Variants in KCNIP4 observed in about 807,000 individuals in gnomAD.
KCNIP4 encodes the protein Kv channel-interacting protein 4.
Under a neutral mutation model 34.0 loss-of-function variants are expected in KCNIP4, and 12 were observed. That is an observed-to-expected ratio of 0.35 (90% CI 0.23 to 0.57). The LOEUF (loss-of-function observed/expected upper bound fraction) is 0.57. Among genes scored for constraint, KCNIP4 ranks in the 20% least tolerant of loss-of-function variants. KCNIP4 has a pLI of 0.83. For synonymous variants in KCNIP4, 124 were observed against 102.2 expected, an observed-to-expected ratio of 1.21 and a Z score of -1.29; for missense variants, 238 against 311.7, an observed-to-expected ratio of 0.76 and a Z score of 1.78.
At chr4:21,268,021 A>T (rs1385528225) in intron 1 of KCNIP4, among the ~76,000 whole-genome samples, 1 of 152,160 alleles carries the variant, frequency 6.6e-6, no homozygotes, top group African/African-American at 2.4e-5. Flanking sequence ...TTGCCACAAT[A>T]TCAGATCCTG....
chr4:20,943,603 G>A (rs1003270480), intron 1 of KCNIP4, among the ~76,000 whole-genome samples: 2 of 152,044 alleles, frequency 1.3e-5, no homozygotes, highest in Admixed American at 6.6e-5. Flanking sequence ...CCATTTTATG[G>A]AGGAGGAAAC....
intron 1 of KCNIP4, among the ~76,000 whole-genome samples, chr4:21,451,165 T>TG: frequency 6.6e-6 from 1 of 152,066 alleles, no homozygotes; most frequent in South Asian, 2.1e-4. Context: ...TAACAGCAAG[T>TG]GGTTTTGTTA....
intron 1 of KCNIP4, among the ~76,000 whole-genome samples, chr4:21,228,184 C>T (rs1211082390): frequency 7.9e-5 from 12 of 152,218 alleles, no homozygotes; most frequent in Admixed American, 4.6e-4. Flanking sequence ...GGAGAAGGGG[C>T]CTAGTGGGAG....
intron 1 of KCNIP4, among the ~76,000 whole-genome samples, chr4:21,116,242 C>T (rs751549632): frequency 1.3e-5 from 2 of 152,174 alleles, no homozygotes; most frequent in African/African-American, 2.4e-5. Flanking sequence ...CTTAATTAGT[C>T]GCATCCTTGA....
At chr4:20,921,338 G>A (rs539391532) in intron 1 of KCNIP4, among the ~76,000 whole-genome samples, 2 of 152,290 alleles carry the variant, frequency 1.3e-5, no homozygotes, top group East Asian at 3.9e-4. Context: ...AATCAAAAGA[G>A]ATCCACCATG....
rs71191514 is a variant in KCNIP4 at position 21,504,475 on chromosome 4, A to AAAAGAAAG, written c.61+444088_61+444095dup. On this transcript the variant is annotated intron_variant, in intron 1 of 8. Coordinates refer to ENST00000382152, the MANE Select transcript of KCNIP4 (RefSeq NM_025221.6). Reference sequence around the variant, plus strand: ...AGAATGACTCCAACTCAAAAAAAAAAAAAGAAAGAAAGAAAGAAAGAAAGA... The same window carrying AAAAGAAAG: ...AGAATGACTCCAACTCAAAAAAAAAAAAAGAAAGAAAGAAAGAAAGAAAGAAAGAAAGA... Among the ~76,000 whole-genome samples the AAAAGAAAG allele has an allele frequency of 9.0e-3, 917 of 101,824 alleles. 17 individuals carry two copies. The highest frequency in any genetic ancestry group is 0.024 in the Middle Eastern group (5 of 208). The allele number at this position is 101,824 out of a possible 152,430, so 66.8% of individuals were successfully genotyped here. A position where few individuals can be genotyped will look rare whatever the true frequency, so the allele number is the denominator to read the frequency against.
chr4:21,494,621 A>C (rs1732695379), intron 1 of KCNIP4, among the ~76,000 whole-genome samples: 1 of 151,896 alleles, frequency 6.6e-6, no homozygotes, highest in South Asian at 2.1e-4. Flanking sequence ...AAAAATACAA[A>C]AATTAGCCTG....
intron 1 of KCNIP4, among the ~76,000 whole-genome samples, chr4:21,151,612 G>A (rs550004817): frequency 2.6e-5 from 4 of 151,808 alleles, no homozygotes; most frequent in African/African-American, 9.7e-5. Context: ...CCACCTCCAT[G>A]AGCCCATCTA....
chr4:21,299,436 T>C (rs1453652738), intron 1 of KCNIP4, among the ~76,000 whole-genome samples: 4 of 152,108 alleles, frequency 2.6e-5, no homozygotes, highest in Non-Finnish European at 5.9e-5. Context: ...AGATGAACCA[T>C]AAGAGACCCT....
intron 4 of KCNIP4, 148 bp from the exon 5 acceptor site, chr4:20,749,880 T>C: frequency 1.9e-6 from 1 of 535,736 alleles, no homozygotes. Flanking sequence ...ACCCTCTTTC[T>C]GTAGAGGACT....
chr4:21,136,641 T>G (rs183726874), intron 1 of KCNIP4, among the ~76,000 whole-genome samples: 349 of 152,216 alleles, frequency 2.3e-3, no homozygotes, highest in African/African-American at 8.0e-3. Flanking sequence ...GGGATGCAGG[T>G]TTAGACATGT....
At chr4:21,310,913 C>A (rs1713086940) in intron 1 of KCNIP4, among the ~76,000 whole-genome samples, 1 of 152,176 alleles carries the variant, frequency 6.6e-6, no homozygotes, top group African/African-American at 2.4e-5. Flanking sequence ...CAGGAGTGAG[C>A]CACTATGCCT....
intron 1 of KCNIP4, among the ~76,000 whole-genome samples, chr4:21,269,510 A>G (rs1340983572): frequency 1.3e-5 from 2 of 152,004 alleles, no homozygotes; most frequent in Admixed American, 6.5e-5. Flanking sequence ...GGCTCCAGCA[A>G]TCTTCCCACC....
At chr4:21,845,211 C>A (rs1460264291) in intron 1 of KCNIP4, 1 of 152,068 alleles carries the variant, frequency 6.6e-6, no homozygotes, top group Non-Finnish European at 1.5e-5. Context: ...AGGACCAGTA[C>A]ATGTTTTAGG....
At chr4:21,559,904 C>G (rs1440776469) in intron 1 of KCNIP4, among the ~76,000 whole-genome samples, 1 of 152,068 alleles carries the variant, frequency 6.6e-6, no homozygotes, top group Non-Finnish European at 1.5e-5. Flanking sequence ...GAAATTAGTT[C>G]AGCAGTTTAA....
chr4:21,692,030 C>T (rs1316166176), intron 1 of KCNIP4, among the ~76,000 whole-genome samples: 1 of 152,010 alleles, frequency 6.6e-6, no homozygotes, highest in African/African-American at 2.4e-5. Flanking sequence ...ATGAGCTCCT[C>T]CCTTTAGACC....
chr4:20,937,261 G>A (rs1390278304), intron 1 of KCNIP4, among the ~76,000 whole-genome samples: 2 of 80,838 alleles, frequency 2.5e-5, no homozygotes, highest in South Asian at 4.6e-4. Flanking sequence ...TTGAGACAGA[G>A]TTTTGCTCTG....
intron 1 of KCNIP4, among the ~76,000 whole-genome samples, chr4:21,383,934 C>T (rs1467796153): frequency 3.9e-5 from 6 of 152,096 alleles, no homozygotes; most frequent in African/African-American, 1.4e-4. Context: ...TATGATCTAG[C>T]TCATGCCTAC....
intron 1 of KCNIP4, among the ~76,000 whole-genome samples, chr4:21,802,117 G>A (rs1442406473): frequency 1.3e-4 from 20 of 152,026 alleles, no homozygotes; most frequent in Admixed American, 1.2e-3. Context: ...TACTGAGACT[G>A]AAGTGCAGAC....
Sources: allele counts gnomAD v4.1 joint callset (sites outside exome capture counted in the v4.1 genomes callset), GRCh38; gene constraint gnomAD v4.1.1; transcripts MANE v1.5; gene names NCBI Gene and HGNC (gene_info 2026-07-23, HGNC 2026-07-21).